Variants in XG observed in about 807,000 individuals in gnomAD.
XG encodes glycoprotein Xg.
A neutral mutation model predicts 25.7 loss-of-function variants in XG; 24 were observed. That is an observed-to-expected ratio of 0.93 (90% CI 0.68 to 1.31). XG has a LOEUF of 1.31. Among genes scored for constraint, XG ranks in the 40% most tolerant of loss-of-function variants. The pLI is 0.00. For synonymous variants in XG, 77 were observed against 69.2 expected (o/e 1.11, Z -0.56); for missense variants, 181 against 187.6 (o/e 0.96, Z 0.21).
chrX:2,771,134 G>A (rs1320767001), intron 2 of XG, among the ~76,000 whole-genome samples: 4 of 151,994 alleles, frequency 2.6e-5, no homozygotes, highest in East Asian at 3.9e-4. Flanking sequence ...GATTACAGAC[G>A]TGCCTCAACA....
chrX:2,762,871 G>A (rs1229582238), intron 1 of XG, among the ~76,000 whole-genome samples: 1 of 152,186 alleles, frequency 6.6e-6, no homozygotes, highest in Non-Finnish European at 1.5e-5. Flanking sequence ...GGAAAACCTT[G>A]AGTTCCTTCA....
At chrX:2,769,730 C>T (rs1294051662) in intron 1 of XG, among the ~76,000 whole-genome samples, 1 of 152,224 alleles carries the variant, frequency 6.6e-6, no homozygotes, top group African/African-American at 2.4e-5. Flanking sequence ...GTTCTCTTCT[C>T]TCTGCTGCAG....
In XG at chrX:2,798,159, T is replaced by G. The variant is rs113150210; in HGVS notation, c.373+799T>G. Among the ~76,000 whole-genome samples, 466 of 111,840 alleles carry G rather than the reference T, an allele frequency of 4.2e-3. 3 individuals carry two copies. The highest frequency in any genetic ancestry group is 0.015 in the African/African-American group (459 of 30,841). On this transcript the variant is annotated intron_variant, in intron 7 of 10. Transcript: ENST00000644266. ...CAGAAGCCATAAACAGGCTCTTGGCTTGGTTGAGTTTTTCTCATGGAGACC... is the reference window on the plus strand; with the variant it reads ...CAGAAGCCATAAACAGGCTCTTGGCGTGGTTGAGTTTTTCTCATGGAGACC...
At chrX:2,772,694 C>G (rs967811686) in intron 2 of XG, among the ~76,000 whole-genome samples, 1 of 152,206 alleles carries the variant, frequency 6.6e-6, no homozygotes, top group African/African-American at 2.4e-5. Flanking sequence ...TTTAAAATGT[C>G]AAATTTTATA....
intron 6 of XG, among the ~76,000 whole-genome samples, chrX:2,794,869 C>T (rs756820622): frequency 8.9e-4 from 100 of 112,110 alleles, no homozygotes; most frequent in African/African-American, 2.7e-3. Flanking sequence ...GAAACACTTG[C>T]GGTCATTTCT....
rs370406955 is a variant in XG at position 2,783,011 on chromosome X, G to T, written c.190+883G>T. On this transcript the variant is annotated intron_variant, in intron 4 of 10. Coordinates refer to ENST00000644266, the MANE Select transcript of XG (RefSeq NM_001141919.2). ...CAGCTTAAAGGTTAGAAGCAAGATGGAGTTGGTTAGGTCTGACCTCTTTCA... is the reference window on the plus strand; with the variant it reads ...CAGCTTAAAGGTTAGAAGCAAGATGTAGTTGGTTAGGTCTGACCTCTTTCA... Among the ~76,000 whole-genome samples, 3 of 111,440 alleles carry T rather than the reference G, an allele frequency of 2.7e-5. No individual in the cohort carries two copies. The Admixed American group carries it at 2.9e-4, about 11-fold the overall frequency.
At chrX:2,763,922 C>A (rs951913911) in intron 1 of XG, among the ~76,000 whole-genome samples, 1 of 152,112 alleles carries the variant, frequency 6.6e-6, no homozygotes, top group Non-Finnish European at 1.5e-5. Flanking sequence ...AGGGCAACTC[C>A]AGGTTGAGTA....
intron 1 of XG, among the ~76,000 whole-genome samples, chrX:2,760,202 G>A (rs190322576): frequency 6.6e-6 from 1 of 151,974 alleles, no homozygotes; most frequent in Admixed American, 6.5e-5. Flanking sequence ...TTAAGGAAGA[G>A]TATTATTGAG....
intron 4 of XG, among the ~76,000 whole-genome samples, chrX:2,782,463 G>A (rs1417898656): frequency 1.8e-5 from 2 of 111,774 alleles, no homozygotes; most frequent in Non-Finnish European, 3.8e-5. Context: ...CTCTAAGGGA[G>A]GCTAGAGTTT....
At chrX:2,754,127 C>T (rs1334817796) in intron 1 of XG, among the ~76,000 whole-genome samples, 1 of 151,884 alleles carries the variant, frequency 6.6e-6, no homozygotes, top group Non-Finnish European at 1.5e-5. Flanking sequence ...GAGGGAGGGG[C>T]CCACTGTGTC....
At chrX:2,811,190 A>G (rs1213667068) in intron 9 of XG, 146 bp from the exon 10 acceptor site, 2 of 398,133 alleles carry the variant, frequency 5.0e-6, no homozygotes, top group Non-Finnish European at 8.9e-6. Flanking sequence ...AGAAGTTACT[A>G]GATAGATGCA....
At chrX:2,783,712 C>T (rs950503604) in intron 4 of XG, among the ~76,000 whole-genome samples, 8 of 112,932 alleles carry the variant, frequency 7.1e-5, no homozygotes, top group East Asian at 5.6e-4. Flanking sequence ...TGGGGGCTCA[C>T]GCCTGGAATC....
At chrX:2,761,933 T>A (rs1462059876) in intron 1 of XG, among the ~76,000 whole-genome samples, 1 of 152,142 alleles carries the variant, frequency 6.6e-6, no homozygotes, top group Admixed American at 6.5e-5. Context: ...TGGGAAGCCA[T>A]TACCAAGTCT....
At chrX:2,767,933 C>T (rs1027997729) in intron 1 of XG, among the ~76,000 whole-genome samples, 33 of 152,244 alleles carry the variant, frequency 2.2e-4, no homozygotes, top group African/African-American at 7.7e-4. Flanking sequence ...AAGCCTAAAG[C>T]CCCCAGGCTC....
intron 1 of XG, among the ~76,000 whole-genome samples, chrX:2,757,971 CAAAAAAAAAAAAA>C (rs59540338): frequency 0.28 from 25,553 of 89,660 alleles, 2,798 homozygotes; most frequent in Middle Eastern, 0.36. Flanking sequence ...GACTCCATCT[CAAAAAAAAAAAAA>C]AAAAAAAAAA....
intron 2 of XG, among the ~76,000 whole-genome samples, chrX:2,774,057 C>G (rs1204654614): frequency 1.3e-5 from 2 of 152,170 alleles, no homozygotes; most frequent in African/African-American, 4.8e-5. Context: ...CAATGCTAGG[C>G]TGTTATGTAA....
intron 1 of XG, among the ~76,000 whole-genome samples, chrX:2,754,126 G>T (rs2050386464): frequency 6.6e-6 from 1 of 151,832 alleles, no homozygotes; most frequent in South Asian, 2.1e-4. Context: ...TGAGGGAGGG[G>T]CCCACTGTGT....
In XG at chrX:2,788,798, T is replaced by C. The variant is rs376738358; in HGVS notation, c.191-846T>C. Among the ~76,000 whole-genome samples the C allele has an allele frequency of 4.3e-3, 469 of 109,038 alleles. 4 individuals are homozygous for C. Among genetic ancestry groups the C allele is most frequent in the African/African-American group, 0.015 (438 of 29,811 alleles). 94.7% of individuals were successfully genotyped at this position (109,038 alleles called of 115,157 possible). A position where few individuals can be genotyped will look rare whatever the true frequency, so the allele number is the denominator to read the frequency against. The stretch of plus-strand genomic sequence containing the variant: ...TGAACCCAGGAGGCAGAGGTTGCCG[T>C]GAGCTGAGATCACACCACTGCACTC... On this transcript the variant is annotated intron_variant, in intron 4 of 10. Transcript: ENST00000644266.
intron 6 of XG, among the ~76,000 whole-genome samples, chrX:2,796,468 A>ATGTGTGTG (rs200727930): frequency 0.022 from 2,073 of 95,897 alleles, 43 homozygotes; most frequent in Admixed American, 0.058. Flanking sequence ...ATTTAGGTAT[A>ATGTGTGTG]TGTGTGTGTG....
Sources: allele counts gnomAD v4.1 joint callset (sites outside exome capture counted in the v4.1 genomes callset), GRCh38; gene constraint gnomAD v4.1.1; transcripts MANE v1.5; gene names NCBI Gene and HGNC (gene_info 2026-07-23, HGNC 2026-07-21).